Variants in LAMA2 observed in about 807,000 individuals in gnomAD.
The protein encoded by LAMA2 is laminin subunit alpha-2.
In LAMA2, 269 loss-of-function variants were observed where a neutral mutation model predicts 364.8. The observed-to-expected ratio is 0.74, with a 90% confidence interval of 0.67 to 0.82. LAMA2 has a LOEUF of 0.82. Ranked by LOEUF, LAMA2 falls within the 40% of genes least tolerant of loss-of-function variation. The pLI, the probability that LAMA2 is intolerant of heterozygous loss-of-function variation, is 0.00. For missense variants in LAMA2, 3,807 were observed against 3,873.2 expected (o/e 0.98, Z 0.45); for synonymous variants, 1,379 against 1,370.6 (o/e 1.01, Z -0.14).
At chr6:129,506,193 A>C (rs1458585871) in intron 61 of LAMA2, among the ~76,000 whole-genome samples, 2 of 151,888 alleles carry the variant, frequency 1.3e-5, no homozygotes, top group African/African-American at 2.4e-5. Context: ...TCTCTACAAA[A>C]ATACAAAAAG....
intron 1 of LAMA2, among the ~76,000 whole-genome samples, chr6:128,932,865 A>G (rs1336771552): frequency 6.6e-6 from 1 of 152,198 alleles, no homozygotes; most frequent in Non-Finnish European, 1.5e-5. Flanking sequence ...GACATTTAAG[A>G]TCTGTGTTTG....
Position 128,899,134 on chromosome 6 carries a change from A to G in LAMA2, c.112+15777A>G, listed in dbSNP as rs567991461. On this transcript the variant is annotated intron_variant, in intron 1 of 64. Coordinates refer to ENST00000421865, the MANE Select transcript of LAMA2 (RefSeq NM_000426.4). ...GTCTCCCCAGACTGTTGGAATATAA[A>G]TTTTGTTATAAAATGGCCTTCATCT... Among the ~76,000 whole-genome samples, 6 of 152,270 alleles carry G rather than the reference A, an allele frequency of 3.9e-5. No individual in the cohort carries two copies. In the East Asian group the frequency reaches 1.2e-3, roughly 29 times the overall value.
rs755981806 is a variant in LAMA2 at position 129,287,989 on chromosome 6, A to G, written c.2680A>G (p.Thr894Ala). Reference protein sequence around the residue: ...GSCLICKPGTTGRYCELCADG... With the variant: ...GSCLICKPGTAGRYCELCADG... ...CTGTCTGATATGTAAACCAGGTACA[A>G]CAGGCCGGTACTGTGAGCTCTGTGC... is the stretch of plus-strand genomic sequence containing the variant. Residue 894 changes from threonine (T) to alanine (A), a missense_variant, in exon 19 of 65, where the codon ACA becomes GCA. By Grantham distance (58) the Thr-to-Ala change is moderately conservative (BLOSUM62 0). This residue lies in a region of LAMA2 where 3,333 missense variants were observed against 3,345.7 expected (regional missense o/e 1.00). Coordinates refer to ENST00000421865, the MANE Select transcript of LAMA2 (RefSeq NM_000426.4). 1.2e-6 allele frequency: 2 copies of G among 1,614,018 alleles called. No homozygotes were observed. The highest frequency in any genetic ancestry group is 8.5e-7 in the Non-Finnish European group (1 of 1,179,978).
intron 22 of LAMA2, among the ~76,000 whole-genome samples, chr6:129,303,371 T>A (rs1173309972): frequency 1.3e-5 from 2 of 152,186 alleles, no homozygotes; most frequent in Admixed American, 1.3e-4. Flanking sequence ...GATAATCATG[T>A]CATCTGCAAA....
At chr6:129,110,735 C>T (rs1776112396) in intron 4 of LAMA2, among the ~76,000 whole-genome samples, 2 of 151,958 alleles carry the variant, frequency 1.3e-5, no homozygotes, top group South Asian at 4.1e-4. Flanking sequence ...AGGTCCAGTC[C>T]AGATCTTCTG....
intron 33 of LAMA2, among the ~76,000 whole-genome samples, 175 bp downstream of exon 33, chr6:129,366,536 T>C (rs932048722): frequency 6.6e-6 from 1 of 152,144 alleles, no homozygotes; most frequent in Non-Finnish European, 1.5e-5. Context: ...AACTATAATA[T>C]ACAGATTTCT....
chr6:128,978,386 C>T (rs1782663026), intron 1 of LAMA2, among the ~76,000 whole-genome samples: 4 of 145,344 alleles, frequency 2.8e-5, no homozygotes, highest in South Asian at 4.3e-4. Flanking sequence ...GGTGTGGTCT[C>T]GGCTCACTGC....
Position 129,250,094 on chromosome 6 carries a change from G to T in LAMA2, c.1783-18G>T. 1 of 1,391,916 alleles carries T rather than the reference G, an allele frequency of 7.2e-7. No individual in the cohort carries two copies. The highest frequency in any genetic ancestry group is 1.0e-6 in the Non-Finnish European group (1 of 978,206). The allele number at this position is 1,391,916 out of a possible 1,614,324, so 86.2% of individuals were successfully genotyped here. On this transcript the variant is annotated intron_variant, in intron 12 of 64. Transcript: ENST00000421865. ...CCATCTCCTATCCCGTAATGATTAT[G>T]CATCTTCTGTCTTGTAGCTCCCAGC...
chr6:129,341,188 C>T (rs1776249876), intron 29 of LAMA2, among the ~76,000 whole-genome samples: 1 of 152,166 alleles, frequency 6.6e-6, no homozygotes, highest in South Asian at 2.1e-4. Flanking sequence ...ACACATGAAA[C>T]ATAAATACAT....
At chr6:129,281,922 A>T (rs562301618) in intron 18 of LAMA2, among the ~76,000 whole-genome samples, 2 of 152,270 alleles carry the variant, frequency 1.3e-5, no homozygotes, top group South Asian at 4.1e-4. Flanking sequence ...AACACCTTAG[A>T]TAGATCTAAA....
intron 1 of LAMA2, among the ~76,000 whole-genome samples, chr6:128,902,825 G>A (rs1399175043): frequency 6.6e-6 from 1 of 152,042 alleles, no homozygotes; most frequent in African/African-American, 2.4e-5. Flanking sequence ...AACACCCAAT[G>A]TTTTCTTGAT....
chr6:129,223,104 C>T (rs1783990377), intron 12 of LAMA2, among the ~76,000 whole-genome samples: 1 of 152,174 alleles, frequency 6.6e-6, no homozygotes, highest in African/African-American at 2.4e-5. Context: ...TGATGATGAG[C>T]ATTTTTTCAT....
chr6:129,472,702 A>G (rs1415215456), intron 51 of LAMA2, among the ~76,000 whole-genome samples: 1 of 152,010 alleles, frequency 6.6e-6, no homozygotes, highest in Non-Finnish European at 1.5e-5. Flanking sequence ...ACTTCCTTGT[A>G]CAACATCCCC....
At chr6:129,388,139 T>C (rs911114572) in intron 35 of LAMA2, among the ~76,000 whole-genome samples, 1 of 151,388 alleles carries the variant, frequency 6.6e-6, no homozygotes, top group Non-Finnish European at 1.5e-5. Flanking sequence ...GCGCTATAAT[T>C]CCAGCTACTC....
chr6:129,290,114 T>C (rs1789590498), intron 19 of LAMA2, among the ~76,000 whole-genome samples: 1 of 152,178 alleles, frequency 6.6e-6, no homozygotes, highest in South Asian at 2.1e-4. Flanking sequence ...AACTTTATAC[T>C]GCTTTGTTGT....
chr6:129,226,360 A>G (rs265338), intron 12 of LAMA2, among the ~76,000 whole-genome samples: 89,681 of 152,054 alleles, frequency 0.59, 31,101 homozygotes, highest in Non-Finnish European at 0.77. Context: ...ATGTGTGAAT[A>G]TGATCCTGTC....
chr6:129,193,512 C>T lies in LAMA2; in HGVS notation c.1782+659C>T, dbSNP rs116365881. On this transcript the variant is annotated intron_variant, in intron 12 of 64. Transcript: ENST00000421865. ...GCTTATTTTTTTCTGTTGTGGATTA[C>T]TTCTATCTAGATAGATATCCTGGGG... is the stretch of plus-strand genomic sequence containing the variant. 9.4e-3 allele frequency among the ~76,000 whole-genome samples: 1,432 copies of T among 152,278 alleles called. 28 individuals are homozygous for T. The highest frequency in any genetic ancestry group is 0.033 in the African/African-American group (1,385 of 41,560).
chr6:129,342,326 TC>T lies in LAMA2; in HGVS notation c.4312-14del, dbSNP rs1213654510. ...CACTAAATTAAAAACAAACTTCTTC[TC>T]CCTTTTCCTTTACAGAATTGTCAAC... On this transcript the variant is annotated splice_polypyrimidine_tract_variant and intron_variant, in intron 29 of 64. Coordinates refer to ENST00000421865, the MANE Select transcript of LAMA2 (RefSeq NM_000426.4). 6.2e-7 allele frequency: 1 copy of T among 1,609,976 alleles called. No homozygotes were observed. The highest frequency in any genetic ancestry group is 8.5e-7 in the Non-Finnish European group (1 of 1,177,030).
intron 37 of LAMA2, among the ~76,000 whole-genome samples, chr6:129,400,968 A>G (rs888377297): frequency 2.0e-5 from 3 of 152,220 alleles, no homozygotes; most frequent in Non-Finnish European, 4.4e-5. Flanking sequence ...TAATTCCTTA[A>G]CTAGTATCGC....
Sources: gnomAD v4.1 joint callset for allele counts (sites outside exome capture counted in the v4.1 genomes callset) on GRCh38, gnomAD v4.1.1 for gene constraint, gnomAD v4.1.1 regional missense constraint, MANE v1.5 for transcripts, NCBI Gene and HGNC (gene_info 2026-07-23, HGNC 2026-07-21) for gene names.